Variants in PLPPR1 observed in about 807,000 individuals in gnomAD.
PLPPR1 encodes phospholipid phosphatase-related protein type 1.
In PLPPR1, 10 loss-of-function variants were observed where a neutral mutation model predicts 33.1. That is an observed-to-expected ratio of 0.30 (90% CI 0.19 to 0.51). The LOEUF (loss-of-function observed/expected upper bound fraction) is 0.51, where lower values mean the gene tolerates loss of function less well. PLPPR1 is among the 20% of genes least tolerant of loss of function. The pLI, the probability that PLPPR1 is intolerant of heterozygous loss-of-function variation, is 0.97. For missense variants in PLPPR1, 304 were observed against 408.1 expected (o/e 0.74, Z 2.20); for synonymous variants, 151 against 151.0 (o/e 1.00, Z 0.00).
chr9:101,270,941 T>C (rs1828086633), intron 3 of PLPPR1, among the ~76,000 whole-genome samples: 1 of 152,192 alleles, frequency 6.6e-6, no homozygotes, highest in African/African-American at 2.4e-5. Context: ...ATAAAAATAC[T>C]GACTGGCATG....
chr9:101,241,917 T>C (rs1011128554), intron 2 of PLPPR1, among the ~76,000 whole-genome samples: 2 of 152,120 alleles, frequency 1.3e-5, no homozygotes, highest in Non-Finnish European at 2.9e-5. Flanking sequence ...CCAAATGTAA[T>C]CATTTATTTT....
At chr9:101,322,198 C>CAAAAAAAAAAAAAAA (rs57344415) in intron 7 of PLPPR1, among the ~76,000 whole-genome samples, 1 of 27,668 alleles carries the variant, frequency 3.6e-5, no homozygotes, top group Non-Finnish European at 6.7e-5. Flanking sequence ...GACTTCATCT[C>CAAAAAAAAAAAAAAA]AAAAAAAAAA....
At chr9:101,125,717 C>T (rs773318606) in intron 1 of PLPPR1, 2 of 690,790 alleles carry the variant, frequency 2.9e-6, no homozygotes, top group African/African-American at 1.8e-5. Flanking sequence ...AAGAACATAA[C>T]CAATATTTTC....
intron 1 of PLPPR1, among the ~76,000 whole-genome samples, chr9:101,123,723 C>T (rs1220425541): frequency 6.6e-6 from 1 of 152,170 alleles, no homozygotes; most frequent in Non-Finnish European, 1.5e-5. Context: ...AGAGCAAGTT[C>T]TTTTAACTCA....
At chr9:101,114,766 G>A (rs1347301105) in intron 1 of PLPPR1, among the ~76,000 whole-genome samples, 1 of 152,188 alleles carries the variant, frequency 6.6e-6, no homozygotes, top group Non-Finnish European at 1.5e-5. Flanking sequence ...AAGTGCTTAG[G>A]TAGAGCTGGT....
intron 3 of PLPPR1, among the ~76,000 whole-genome samples, chr9:101,285,690 A>G (rs1828382352): frequency 6.6e-6 from 1 of 152,210 alleles, no homozygotes; most frequent in Non-Finnish European, 1.5e-5. Flanking sequence ...ACCTGTTGAT[A>G]TAAAGTGAGG....
intron 2 of PLPPR1, among the ~76,000 whole-genome samples, chr9:101,240,077 G>A (rs1827431251): frequency 6.6e-6 from 1 of 152,018 alleles, no homozygotes; most frequent in African/African-American, 2.4e-5. Context: ...TGTAAATGAT[G>A]AGAAATAGGG....
At chr9:101,048,841 G>T (rs774858531) in intron 1 of PLPPR1, among the ~76,000 whole-genome samples, 12 of 152,176 alleles carry the variant, frequency 7.9e-5, no homozygotes, top group Non-Finnish European at 1.3e-4. Flanking sequence ...GAAAAGGGTA[G>T]CATGCCATAT....
chr9:101,156,928 C>G (rs1034513738), intron 1 of PLPPR1, among the ~76,000 whole-genome samples: 2 of 152,008 alleles, frequency 1.3e-5, no homozygotes, highest in Non-Finnish European at 1.5e-5. Context: ...TATAAAGAAG[C>G]TTAAACTTTG....
At chr9:101,233,881 T>C (rs1827241190) in intron 2 of PLPPR1, among the ~76,000 whole-genome samples, 1 of 151,954 alleles carries the variant, frequency 6.6e-6, no homozygotes, top group African/African-American at 2.4e-5. Flanking sequence ...AATTACCCTT[T>C]AAACATGGTT....
In PLPPR1 at chr9:101,229,953, A is replaced by G. The variant is rs185883163; in HGVS notation, c.64-39927A>G. On this transcript the variant is annotated intron_variant, in intron 2 of 7. Coordinates refer to ENST00000374874, the MANE Select transcript of PLPPR1 (RefSeq NM_207299.2). ...TTTTGAATCAGTTAACACTCTGTTT[A>G]TAAAGATGTGGGTATTTTCTCTTAA... Among the ~76,000 whole-genome samples the G allele has an allele frequency of 4.5e-4, 68 of 152,304 alleles. 1 individual carries two copies. In the East Asian group the frequency reaches 0.01, roughly 23 times the overall value.
intron 1 of PLPPR1, among the ~76,000 whole-genome samples, chr9:101,076,100 C>CA (rs1249210958): frequency 6.6e-6 from 1 of 152,078 alleles, no homozygotes; most frequent in African/African-American, 2.4e-5. Flanking sequence ...CCAGCAGCAT[C>CA]AATATCATCT....
intron 2 of PLPPR1, among the ~76,000 whole-genome samples, chr9:101,206,497 G>T (rs1826590378): frequency 6.6e-6 from 1 of 152,110 alleles, no homozygotes; most frequent in Non-Finnish European, 1.5e-5. Flanking sequence ...CTCTCTGCTT[G>T]CTGTTTAGGT....
At chr9:101,127,685 T>C (rs1245343100) in intron 1 of PLPPR1, among the ~76,000 whole-genome samples, 1 of 152,222 alleles carries the variant, frequency 6.6e-6, no homozygotes, top group African/African-American at 2.4e-5. Flanking sequence ...TTTTATGCCC[T>C]GGCCTTAGAT....
intron 1 of PLPPR1, among the ~76,000 whole-genome samples, chr9:101,075,120 A>G (rs1242165189): frequency 1.3e-5 from 2 of 152,200 alleles, no homozygotes; most frequent in African/African-American, 2.4e-5. Flanking sequence ...CCAGTGTTTA[A>G]GAGAAGTATA....
intron 2 of PLPPR1, among the ~76,000 whole-genome samples, chr9:101,228,516 G>C (rs1827118594): frequency 6.6e-6 from 1 of 152,056 alleles, no homozygotes; most frequent in South Asian, 2.1e-4. Flanking sequence ...TAAAGACATT[G>C]TCAAAGAATA....
At chr9:101,244,602 C>T (rs990586680) in intron 2 of PLPPR1, among the ~76,000 whole-genome samples, 1 of 151,746 alleles carries the variant, frequency 6.6e-6, no homozygotes, top group African/African-American at 2.4e-5. Context: ...TCTCTCATTT[C>T]AGATATAGTA....
intron 2 of PLPPR1, among the ~76,000 whole-genome samples, chr9:101,210,791 G>A (rs1226637529): frequency 6.6e-6 from 1 of 151,920 alleles, no homozygotes. Flanking sequence ...TTTTTGAGAC[G>A]GAGTCTCGCT....
At position 101,301,804 on chromosome 9, in the gene PLPPR1, A is replaced by G. The variant is rs568359380; in HGVS notation, c.386-7407A>G. On this transcript the variant is annotated intron_variant, in intron 4 of 7. Coordinates refer to ENST00000374874, the MANE Select transcript of PLPPR1 (RefSeq NM_207299.2). ...AAGTGCCTTATTCAAATGATGACATATCATAGATATTCAATCATCTTCTTT... is the reference window on the plus strand; with the variant it reads ...AAGTGCCTTATTCAAATGATGACATGTCATAGATATTCAATCATCTTCTTT... Among the ~76,000 whole-genome samples, 18 of 152,354 alleles carry G rather than the reference A, an allele frequency of 1.2e-4. No individual in the cohort carries two copies. The East Asian group carries it at 3.3e-3, about 28-fold the overall frequency.
Sources: gnomAD v4.1 joint callset for allele counts (sites outside exome capture counted in the v4.1 genomes callset) on GRCh38, gnomAD v4.1.1 for gene constraint, MANE v1.5 for transcripts, NCBI Gene and HGNC (gene_info 2026-07-23, HGNC 2026-07-21) for gene names.